NHSL2: variants seen among roughly 807,000 people sequenced by gnomAD.
NHSL2 encodes the protein NHS like 2.
NHSL2 carries 27 observed loss-of-function variants against 53.4 expected under a neutral mutation model. That is an observed-to-expected ratio of 0.51 (90% CI 0.37 to 0.70). The LOEUF (loss-of-function observed/expected upper bound fraction) is 0.70. Among genes scored for constraint, NHSL2 ranks in the 30% least tolerant of loss-of-function variants. NHSL2 has a pLI of 0.00. For missense variants in NHSL2, 892 were observed against 980.1 expected, an observed-to-expected ratio of 0.91 and a Z score of 1.20; for synonymous variants, 408 against 404.1, an observed-to-expected ratio of 1.01 and a Z score of -0.12.
chrX:71,980,795 A>C (rs2041975054), intron 1 of NHSL2, among the ~76,000 whole-genome samples: 1 of 111,508 alleles, frequency 9.0e-6, no homozygotes, highest in Non-Finnish European at 1.9e-5. Flanking sequence ...TTGATCAGCT[A>C]TAAAAGGAGG....
chrX:72,110,817 C>T (rs1238358351), intron 1 of NHSL2, among the ~76,000 whole-genome samples: 1 of 108,535 alleles, frequency 9.2e-6, no homozygotes, highest in Admixed American at 9.9e-5. Flanking sequence ...CCATGGCCTC[C>T]TCAGCACACA....
intron 1 of NHSL2, among the ~76,000 whole-genome samples, chrX:72,093,781 TTC>T (rs759616368): frequency 1.5e-4 from 14 of 93,981 alleles, no homozygotes; most frequent in East Asian, 1.2e-3. Context: ...TTTCTTTCTT[TTC>T]CTTTCTTTCT....
chrX:71,951,040 A>ACACACACACACACACACACACAC (rs35096488), intron 1 of NHSL2, among the ~76,000 whole-genome samples: 1 of 109,911 alleles, frequency 9.1e-6, no homozygotes, highest in African/African-American at 3.3e-5. Context: ...ACACACACAC[A>ACACACACACACACACACACACAC]AATACCTGGC....
At chrX:72,130,288 C>G in intron 1 of NHSL2, 1 of 1,197,004 alleles carries the variant, frequency 8.4e-7, no homozygotes, top group Non-Finnish European at 1.1e-6. Flanking sequence ...CTTACTCTCT[C>G]CTTCCTCCTC....
At chrX:72,092,881 T>A (rs2041910524) in intron 1 of NHSL2, among the ~76,000 whole-genome samples, 1 of 112,632 alleles carries the variant, frequency 8.9e-6, no homozygotes, top group South Asian at 3.6e-4. Context: ...TCTTGACTTC[T>A]CCATTTCCTT....
intron 1 of NHSL2, among the ~76,000 whole-genome samples, chrX:72,054,093 C>A (rs2042354976): frequency 9.0e-6 from 1 of 111,294 alleles, no homozygotes; most frequent in South Asian, 3.8e-4. Context: ...TTACTCTGGG[C>A]CAGCTCTGCT....
chrX:72,063,004 T>C (rs1261925959), intron 1 of NHSL2, among the ~76,000 whole-genome samples: 2 of 111,571 alleles, frequency 1.8e-5, no homozygotes, highest in Non-Finnish European at 3.8e-5. Context: ...GGCCAGGGCC[T>C]GCCCAAGGTC....
At chrX:71,937,412 G>A (rs1198808926) in intron 1 of NHSL2, among the ~76,000 whole-genome samples, 1 of 111,785 alleles carries the variant, frequency 8.9e-6, no homozygotes, top group East Asian at 2.8e-4. Flanking sequence ...TAGGACTTGT[G>A]TCCTTGAATG....
At chrX:72,129,872 G>A in intron 1 of NHSL2, 8 of 1,205,461 alleles carry the variant, frequency 6.6e-6, no homozygotes, top group Non-Finnish European at 7.8e-6. Flanking sequence ...TGGCCCCCCT[G>A]TCTCGGAGTG....
At chrX:72,064,073 C>A (rs1032081051) in intron 1 of NHSL2, among the ~76,000 whole-genome samples, 12 of 111,335 alleles carry the variant, frequency 1.1e-4, no homozygotes, top group Non-Finnish European at 7.5e-5. Flanking sequence ...AGGAATAGAA[C>A]CTAGAGAACA....
intron 6 of NHSL2, chrX:72,141,030 A>G (rs924949916): frequency 2.8e-5 from 8 of 282,668 alleles, no homozygotes; most frequent in Non-Finnish European, 5.2e-5. Flanking sequence ...GTGCTGAGAT[A>G]ATGAAATCAA....
At chrX:72,039,147 C>CTTTCCTTTCCTTTCCT (rs1251400322) in intron 1 of NHSL2, among the ~76,000 whole-genome samples, 12 of 69,498 alleles carry the variant, frequency 1.7e-4, no homozygotes, top group East Asian at 4.2e-4. Flanking sequence ...CTTTCCTTTC[C>CTTTCCTTTCCTTTCCT]TTCCTTGTCT....
chrX:71,958,640 G>C (rs1222470989), intron 1 of NHSL2, among the ~76,000 whole-genome samples: 1 of 111,772 alleles, frequency 8.9e-6, no homozygotes, highest in East Asian at 2.8e-4. Flanking sequence ...CTATACATAG[G>C]CATGAGCCTG....
intron 1 of NHSL2, among the ~76,000 whole-genome samples, chrX:72,008,948 C>G (rs1384455517): frequency 9.0e-6 from 1 of 111,581 alleles, no homozygotes; most frequent in East Asian, 2.8e-4. Context: ...CACTTGCTCC[C>G]CATCTCACTC....
In NHSL2 at chrX:71,911,250, G is replaced by C. The variant is rs964943901; in HGVS notation, c.163G>C (p.Glu55Gln). The C allele has an allele frequency of 8.7e-7, 1 of 1,146,743 alleles. No individual in the cohort carries two copies. Among genetic ancestry groups the C allele is most frequent in the African/African-American group, 1.8e-5 (1 of 55,724 alleles). 94.5% of individuals were successfully genotyped at this position (1,146,743 alleles called of 1,213,427 possible). The part of the protein sequence containing the change: ...GHSLALLEDL[E>Q]GHLLALGRRT... ...CTCGTTGGCTCTGCTCGAGGACCTC[G>C]AGGGGCACCTGCTGGCCCTGGGGCG... Residue 55 changes from glutamate (E) to glutamine (Q), a missense_variant, in exon 1 of 8, where the codon GAG becomes CAG. By Grantham distance (29) the Glu-to-Gln change is conservative. Transcript: ENST00000633930.
At chrX:72,077,396 A>G (rs1214650539) in intron 1 of NHSL2, among the ~76,000 whole-genome samples, 2 of 110,719 alleles carry the variant, frequency 1.8e-5, no homozygotes, top group Non-Finnish European at 3.8e-5. Context: ...GGAAAGGTTG[A>G]GAGTCATGAT....
At chrX:72,022,849 CT>C (rs756718767) in intron 1 of NHSL2, among the ~76,000 whole-genome samples, 19 of 111,735 alleles carry the variant, frequency 1.7e-4, no homozygotes, top group African/African-American at 5.9e-4. Flanking sequence ...ACCTCCATGA[CT>C]TACCTATTAT....
At chrX:71,971,429 G>A (rs1255681575) in intron 1 of NHSL2, among the ~76,000 whole-genome samples, 6 of 111,679 alleles carry the variant, frequency 5.4e-5, no homozygotes, top group Non-Finnish European at 1.1e-4. Context: ...GAAGAAAAGA[G>A]AGCATGGATA....
intron 1 of NHSL2, among the ~76,000 whole-genome samples, chrX:72,073,810 G>C (rs1285447518): frequency 8.9e-6 from 1 of 112,472 alleles, no homozygotes; most frequent in Non-Finnish European, 1.9e-5. Flanking sequence ...ATCTGTGACA[G>C]GCATTAGTAA....
Sources: allele counts gnomAD v4.1 joint callset (sites outside exome capture counted in the v4.1 genomes callset), GRCh38; gene constraint gnomAD v4.1.1; transcripts MANE v1.5; gene names NCBI Gene and HGNC (gene_info 2026-07-23, HGNC 2026-07-21).